The following ADAMTS7 variants were observed in gnomAD, a reference collection of about 807,000 sequenced individuals.
ADAMTS7 encodes ADAM metallopeptidase with thrombospondin type 1 motif 7.
In ADAMTS7, 89 loss-of-function variants were observed where a neutral mutation model predicts 172.6. That is an observed-to-expected ratio of 0.52 (90% CI 0.43 to 0.61). The LOEUF is 0.61. Among genes scored for constraint, ADAMTS7 ranks in the 20% least tolerant of loss-of-function variants. The pLI, the probability that ADAMTS7 is intolerant of heterozygous loss-of-function variation, is 0.00. For missense variants in ADAMTS7, 1,973 were observed against 2,355.6 expected (o/e 0.84, Z 3.36); for synonymous variants, 885 against 978.4 (o/e 0.90, Z 1.78).
At position 78,811,302 on chromosome 15, in the gene ADAMTS7, G is replaced by A. The variant is rs2055863926; in HGVS notation, c.-82C>T. 20 of 1,216,860 alleles carry A rather than the reference G, an allele frequency of 1.6e-5. No individual in the cohort carries two copies. The highest frequency in any genetic ancestry group is 2.0e-5 in the Non-Finnish European group (20 of 978,152). The allele number at this position is 1,216,860 out of a possible 1,614,324, so 75.4% of individuals were successfully genotyped here. A position where few individuals can be genotyped will look rare whatever the true frequency, so the allele number is the denominator to read the frequency against. ...CCGGTCGCTGCCTGGTCCCAGGTCC[G>A]GCTCAGGACATGCCCGGCCGGCGTG... is the stretch of plus-strand genomic sequence containing the variant. On this transcript the variant is annotated 5_prime_UTR_variant, in exon 1 of 24. Coordinates refer to ENST00000388820, the MANE Select transcript of ADAMTS7 (RefSeq NM_014272.5).
chr15:78,763,584 AG>A, intron 22 of ADAMTS7, 114 bp downstream of exon 22: 1 of 1,336,020 alleles, frequency 7.5e-7, no homozygotes, highest in Non-Finnish European at 9.7e-7. Flanking sequence ...GTCCAGTGAC[AG>A]GGCCACAAAG....
At chr15:78,777,121 C>T in intron 9 of ADAMTS7, 1 of 567,188 alleles carries the variant, frequency 1.8e-6, no homozygotes, top group Non-Finnish European at 3.1e-6. Context: ...TAGAAGATCA[C>T]TTCAGGCGAT....
At chr15:78,790,621 G>A (rs748835892) in intron 6 of ADAMTS7, 49 bp downstream of exon 6, 4 of 1,605,502 alleles carry the variant, frequency 2.5e-6, no homozygotes, top group Non-Finnish European at 2.6e-6. Context: ...TGCAGGGCCG[G>A]GAAGCACCTC....
At chr15:78,785,772 C>T (rs113732436) in intron 8 of ADAMTS7, among the ~76,000 whole-genome samples, 1 of 151,974 alleles carries the variant, frequency 6.6e-6, no homozygotes, top group African/African-American at 2.4e-5. Context: ...ACTGGAAAAT[C>T]AATAAATGAG....
Position 78,811,294 on chromosome 15 carries a change from C to T in ADAMTS7, c.-74G>A. 8.2e-7 allele frequency: 1 copy of T among 1,218,164 alleles called. No individual in the cohort carries two copies. The highest frequency in any genetic ancestry group is 1.0e-6 in the Non-Finnish European group (1 of 979,268). 75.5% of individuals were successfully genotyped at this position (1,218,164 alleles called of 1,614,324 possible). ...CGTCCCGTCCGGTCGCTGCCTGGTC[C>T]CAGGTCCGGCTCAGGACATGCCCGG... On this transcript the variant is annotated 5_prime_UTR_variant, in exon 1 of 24. Transcript: ENST00000388820.
chr15:78,769,406 T>C (rs930766358), intron 16 of ADAMTS7, among the ~76,000 whole-genome samples: 1 of 152,168 alleles, frequency 6.6e-6, no homozygotes, highest in Non-Finnish European at 1.5e-5. Flanking sequence ...CAGATTCTGA[T>C]TTTGTTCAAG....
chr15:78,767,138 C>A, intron 18 of ADAMTS7, 87 bp from the exon 19 acceptor site: 2 of 1,397,036 alleles, frequency 1.4e-6, no homozygotes, highest in African/African-American at 2.9e-5. Context: ...CTGTCCACTG[C>A]CCGATGTCAG....
chr15:78,775,766 C>T (rs990139043), intron 11 of ADAMTS7, among the ~76,000 whole-genome samples: 8 of 152,204 alleles, frequency 5.3e-5, no homozygotes, highest in Non-Finnish European at 7.3e-5. Flanking sequence ...TGCATTTGCC[C>T]CTGACTACAA....
chr15:78,800,603 G>A, intron 1 of ADAMTS7, 56 bp from the exon 2 acceptor site: 3 of 1,526,416 alleles, frequency 2.0e-6, no homozygotes, highest in Non-Finnish European at 2.7e-6. Flanking sequence ...GTCCTTGCTG[G>A]TGGCCGGGGA....
chr15:78,766,757 G>C lies in ADAMTS7; in HGVS notation c.3154C>G (p.Leu1052Val). ...ACAAACACGGGCCCCGGCAGGTCCAGCTCTGGAGCCTCCTCCTCAATGGCG... is the reference window on the plus strand; with the variant it reads ...ACAAACACGGGCCCCGGCAGGTCCACCTCTGGAGCCTCCTCCTCAATGGCG... ...GNAIEEEAPE[L>V]DLPGPVFVDD... is the part of the protein sequence containing the mutation. Residue 1052 changes from leucine to valine, a missense_variant, in exon 19 of 24, where the codon CTG becomes GTG. Coordinates refer to ENST00000388820, the MANE Select transcript of ADAMTS7 (RefSeq NM_014272.5). 1 of 1,610,576 alleles carries C rather than the reference G, an allele frequency of 6.2e-7. No individual in the cohort carries two copies. The highest frequency in any genetic ancestry group is 8.5e-7 in the Non-Finnish European group (1 of 1,179,830).
In ADAMTS7 at chr15:78,763,752, G is replaced by A. The variant is rs575738937; in HGVS notation, c.4687C>T (p.Arg1563Trp). 34 of 1,597,540 alleles carry A rather than the reference G, an allele frequency of 2.1e-5. No individual in the cohort carries two copies. The highest frequency in any genetic ancestry group is 2.7e-5 in the African/African-American group (2 of 74,864). ...CEEALRPNTT[R>W]PCNTHPCTQW... ...GTGCAGGGGTGGGTGTTGCAGGGCC[G>A]GGTGGTGTTGGGTCTCAGCGCCTCC... Residue 1563 changes from arginine to tryptophan, a missense_variant, in exon 22 of 24, where the codon CGG (arginine) becomes TGG (tryptophan). By Grantham distance (101) the Arg-to-Trp change is moderately radical. This residue lies in a region of ADAMTS7 where 218 missense variants were observed against 216.9 expected (regional missense o/e 1.01). Transcript: ENST00000388820.
rs370660719 is a variant in ADAMTS7, at chr15:78,761,745, CGT to C, written c.4903+656_4903+657del. ...GTATGACTGTGTGTGTGTGTGTTGG[CGT>C]GTGTGTGTGTGTGCGCGCACGCACA... On this transcript the variant is annotated intron_variant, in intron 23 of 23. Coordinates refer to ENST00000388820, the MANE Select transcript of ADAMTS7 (RefSeq NM_014272.5). Among the ~76,000 whole-genome samples, 116 of 150,886 alleles carry C rather than the reference CGT, an allele frequency of 7.7e-4. 1 individual carries two copies. Among genetic ancestry groups the C allele is most frequent in the African/African-American group, 1.1e-3 (45 of 41,214 alleles).
chr15:78,765,732 C>T lies in ADAMTS7; in HGVS notation c.4179G>A (p.Pro1393=), dbSNP rs2929157. Residue 1393 remains proline (P), a synonymous_variant, in exon 19 of 24, where the codon CCG becomes CCA. Coordinates refer to ENST00000388820, the MANE Select transcript of ADAMTS7 (RefSeq NM_014272.5). The part of the protein sequence containing the change: ...ANSHRVPETQ[P]LAPSLAEAGP... ...CCGCTTCAGCCAGGCTGGGAGCCAG[C>T]GGCTGGGTCTCAGGGACTCTGTGGC... 250 of 1,609,570 alleles carry T rather than the reference C, an allele frequency of 1.6e-4. No homozygotes were observed. The African/African-American group carries it at 2.6e-3, about 17-fold the overall frequency.
chr15:78,764,433 G>C (rs2055105192), intron 20 of ADAMTS7, 122 bp downstream of exon 20: 8 of 1,283,356 alleles, frequency 6.2e-6, no homozygotes, highest in African/African-American at 1.5e-5. Context: ...GGTGTGATCG[G>C]GCACACAGAT....
chr15:78,789,914 GT>G (rs2055556197), intron 6 of ADAMTS7, 76 bp from the exon 7 acceptor site: 1 of 1,506,606 alleles, frequency 6.6e-7, no homozygotes, highest in Non-Finnish European at 8.9e-7. Context: ...CCAGGGAAGG[GT>G]CCCCCCGAAT....
At chr15:78,775,086 T>C (rs1307441855) in intron 11 of ADAMTS7, among the ~76,000 whole-genome samples, 2 of 152,140 alleles carry the variant, frequency 1.3e-5, no homozygotes, top group Non-Finnish European at 2.9e-5. Flanking sequence ...TCCTCATGTA[T>C]AAAGTGGGGT....
At chr15:78,764,467 C>T (rs1002061799) in intron 20 of ADAMTS7, 88 bp downstream of exon 20, 5 of 1,452,480 alleles carry the variant, frequency 3.4e-6, no homozygotes, top group Non-Finnish European at 4.5e-6. Context: ...CCCTCCCCTT[C>T]CCTGCCGCTC....
At chr15:78,761,121 G>A (rs1398544280) in intron 23 of ADAMTS7, among the ~76,000 whole-genome samples, 2 of 152,232 alleles carry the variant, frequency 1.3e-5, no homozygotes, top group Non-Finnish European at 2.9e-5. Context: ...GGGTGGGGGC[G>A]CTGCCACTGG....
chr15:78,792,651 A>G (rs1285822191), intron 4 of ADAMTS7, among the ~76,000 whole-genome samples: 1 of 152,186 alleles, frequency 6.6e-6, no homozygotes, highest in Non-Finnish European at 1.5e-5. Flanking sequence ...CGTCTCTACT[A>G]AAAATACAAA....
Sources: allele counts gnomAD v4.1 joint callset (sites outside exome capture counted in the v4.1 genomes callset), GRCh38; gene constraint gnomAD v4.1.1; regional missense constraint gnomAD v4.1.1; transcripts MANE v1.5; gene names NCBI Gene and HGNC (gene_info 2026-07-23, HGNC 2026-07-21).